The following ATP1B3 variants were observed in gnomAD, a reference collection of about 807,000 sequenced individuals.
The protein encoded by ATP1B3 is sodium/potassium-transporting ATPase subunit beta-3.
A neutral mutation model predicts 30.2 loss-of-function variants in ATP1B3; 10 were observed. The ratio of observed to expected loss-of-function variants is 0.33; its 90% CI spans 0.20 to 0.56. The LOEUF is 0.56. Ranked by LOEUF, ATP1B3 falls within the 20% of genes least tolerant of loss-of-function variation. The pLI is 0.90. For synonymous variants in ATP1B3, 113 were observed against 117.0 expected, an observed-to-expected ratio of 0.97 and a Z score of 0.22; for missense variants, 238 against 336.7, an observed-to-expected ratio of 0.71 and a Z score of 2.29.
intron 3 of ATP1B3, among the ~76,000 whole-genome samples, chr3:141,910,287 T>TTTGA (rs1308251863): frequency 6.6e-6 from 1 of 152,210 alleles, no homozygotes; most frequent in African/African-American, 2.4e-5. Context: ...TGGATGTGTT[T>TTTGA]TTGATAGGGA....
intron 3 of ATP1B3, among the ~76,000 whole-genome samples, chr3:141,909,194 G>T (rs552941699): frequency 1.3e-5 from 2 of 152,266 alleles, no homozygotes; most frequent in South Asian, 2.1e-4. Flanking sequence ...ATTTAAAAAA[G>T]ACTTTTGTGA....
chr3:141,886,440 A>G (rs1471378737), intron 1 of ATP1B3, among the ~76,000 whole-genome samples: 4 of 152,178 alleles, frequency 2.6e-5, no homozygotes, highest in Admixed American at 6.5e-5. Flanking sequence ...AAAATGTTGT[A>G]TCTGTATATA....
At chr3:141,886,449 T>C (rs1259019837) in intron 1 of ATP1B3, among the ~76,000 whole-genome samples, 1 of 152,222 alleles carries the variant, frequency 6.6e-6, no homozygotes, top group Non-Finnish European at 1.5e-5. Flanking sequence ...TATCTGTATA[T>C]AAAGGTGTAA....
chr3:141,890,495 G>A (rs149280325), intron 1 of ATP1B3, among the ~76,000 whole-genome samples: 7,408 of 151,636 alleles, frequency 0.049, 601 homozygotes, highest in African/African-American at 0.17. Flanking sequence ...TAGAGATGGG[G>A]TTTCACCATG....
intron 1 of ATP1B3, among the ~76,000 whole-genome samples, chr3:141,880,051 C>T (rs990194619): frequency 2.0e-5 from 3 of 151,732 alleles, no homozygotes; most frequent in African/African-American, 7.3e-5. Flanking sequence ...AAGATGTTTC[C>T]TGGTTTTATT....
At chr3:141,891,695 G>T in intron 1 of ATP1B3, among the ~76,000 whole-genome samples, 1 of 151,856 alleles carries the variant, frequency 6.6e-6, no homozygotes, top group African/African-American at 2.4e-5. Flanking sequence ...TGGCTTTTTT[G>T]TTAGTCGTAT....
At chr3:141,903,905 C>A (rs1171086657) in intron 2 of ATP1B3, among the ~76,000 whole-genome samples, 157 bp downstream of exon 2, 2 of 152,164 alleles carry the variant, frequency 1.3e-5, no homozygotes, top group African/African-American at 2.4e-5. Context: ...CCTCCTCAGC[C>A]TGCTAAGTAG....
At chr3:141,921,784 G>C in intron 5 of ATP1B3, 193 bp from the exon 6 acceptor site, 1 of 431,200 alleles carries the variant, frequency 2.3e-6, no homozygotes, top group Non-Finnish European at 4.1e-6. Context: ...CATGTGGAAG[G>C]GGTTAGTTAG....
intron 1 of ATP1B3, among the ~76,000 whole-genome samples, chr3:141,900,809 G>GTC (rs779206941): frequency 1.3e-5 from 2 of 152,144 alleles, no homozygotes; most frequent in African/African-American, 2.4e-5. Context: ...TTGAGAAGGG[G>GTC]TCTCTCTCTG....
At chr3:141,883,447 G>A (rs957849892) in intron 1 of ATP1B3, among the ~76,000 whole-genome samples, 2 of 152,174 alleles carry the variant, frequency 1.3e-5, no homozygotes, top group African/African-American at 4.8e-5. Flanking sequence ...GAGTCCAGGA[G>A]GTCGAGGCTA....
At chr3:141,923,327 G>A (rs1934600158) in intron 6 of ATP1B3, among the ~76,000 whole-genome samples, 2 of 151,856 alleles carry the variant, frequency 1.3e-5, no homozygotes, top group African/African-American at 4.8e-5. Context: ...ATAGGAGTGG[G>A]ACTAGCGGCT....
chr3:141,919,987 A>G (rs886199674), intron 5 of ATP1B3, among the ~76,000 whole-genome samples: 6 of 152,222 alleles, frequency 3.9e-5, no homozygotes, highest in African/African-American at 7.2e-5. Context: ...TATGACATAC[A>G]TGCTTCACCC....
chr3:141,921,939 T>C, intron 5 of ATP1B3, 38 bp from the exon 6 acceptor site: 1 of 1,192,514 alleles, frequency 8.4e-7, no homozygotes, highest in Non-Finnish European at 1.2e-6. Context: ...AAATTCTTTT[T>C]GTGACCTAAA....
intron 5 of ATP1B3, among the ~76,000 whole-genome samples, chr3:141,916,931 T>G (rs1934474731): frequency 6.6e-6 from 1 of 151,816 alleles, no homozygotes; most frequent in Non-Finnish European, 1.5e-5. Flanking sequence ...AGTGGCACGA[T>G]CTCACTGCAA....
intron 1 of ATP1B3, among the ~76,000 whole-genome samples, chr3:141,888,424 A>T (rs1239133954): frequency 1.3e-5 from 2 of 152,152 alleles, no homozygotes; most frequent in African/African-American, 4.8e-5. Context: ...GTCTACCTTT[A>T]CCTGAGTAAT....
chr3:141,879,147 A>G (rs986994998), intron 1 of ATP1B3, among the ~76,000 whole-genome samples: 1 of 152,198 alleles, frequency 6.6e-6, no homozygotes, highest in Non-Finnish European at 1.5e-5. Context: ...TGAATTGTGT[A>G]TAACATTTTT....
At chr3:141,908,068 C>CT (rs56374653) in intron 3 of ATP1B3, among the ~76,000 whole-genome samples, 14,209 of 109,658 alleles carry the variant, frequency 0.13, 588 homozygotes, top group Middle Eastern at 0.17. Context: ...GCCAGGCATT[C>CT]TTTTTTTTTT....
chr3:141,895,097 G>T (rs1934035708), intron 1 of ATP1B3, among the ~76,000 whole-genome samples: 1 of 151,736 alleles, frequency 6.6e-6, no homozygotes, highest in African/African-American at 2.4e-5. Context: ...ATGTCTGTAT[G>T]TGGAATCATG....
At chr3:141,913,221 T>C (rs1457369943) in intron 3 of ATP1B3, among the ~76,000 whole-genome samples, 1 of 151,976 alleles carries the variant, frequency 6.6e-6, no homozygotes, top group Non-Finnish European at 1.5e-5. Context: ...TTAGTGTAGG[T>C]TGTCATAACA....
Sources: allele counts gnomAD v4.1 joint callset (sites outside exome capture counted in the v4.1 genomes callset), GRCh38; gene constraint gnomAD v4.1.1; transcripts MANE v1.5; gene names NCBI Gene and HGNC (gene_info 2026-07-23, HGNC 2026-07-21).